BNIP1: variants seen among roughly 807,000 people sequenced by gnomAD.
The protein encoded by BNIP1 is BCL2 interacting protein 1, also known as vesicle transport protein SEC20.
A neutral mutation model predicts 28.5 loss-of-function variants in BNIP1; 25 were observed. The ratio of observed to expected loss-of-function variants is 0.88; its 90% CI spans 0.64 to 1.23. The LOEUF is 1.23. BNIP1 is among the 50% of genes most tolerant of loss of function. BNIP1 has a pLI of 0.00. For synonymous variants in BNIP1, 118 were observed against 101.7 expected (o/e 1.16, Z -0.96); for missense variants, 276 against 277.0 (o/e 1.00, Z 0.02).
At chr5:173,162,502 G>A (rs1209884895) in intron 5 of BNIP1, among the ~76,000 whole-genome samples, 1 of 152,134 alleles carries the variant, frequency 6.6e-6, no homozygotes, top group Non-Finnish European at 1.5e-5. Flanking sequence ...GGTGGTGCAT[G>A]CCTGTAGTCC....
intron 3 of BNIP1, among the ~76,000 whole-genome samples, chr5:173,157,825 T>G (rs1202845280): frequency 2.0e-5 from 3 of 152,136 alleles, no homozygotes; most frequent in Non-Finnish European, 4.4e-5. Flanking sequence ...GCTCTGCTAA[T>G]CCATCATGTT....
chr5:173,149,160 G>A lies in BNIP1; in HGVS notation c.177+2202G>A, dbSNP rs1445514547. ...CCCCTGCTGTACCTTCAGTGAGGGT[G>A]AGGTGGGTGTCATGGATCTGCCCAT... On this transcript the variant is annotated intron_variant, in intron 2 of 5. Transcript: ENST00000351486. Among the ~76,000 whole-genome samples the A allele has an allele frequency of 2.6e-5, 4 of 152,192 alleles. No individual in the cohort carries two copies. In the East Asian group the frequency reaches 7.7e-4, roughly 29 times the overall value.
chr5:173,158,316 C>T (rs1760263095), intron 3 of BNIP1, among the ~76,000 whole-genome samples: 1 of 152,206 alleles, frequency 6.6e-6, no homozygotes, highest in Admixed American at 6.5e-5. Context: ...ATGAGTAAGT[C>T]ATGGTTCTCC....
intron 3 of BNIP1, among the ~76,000 whole-genome samples, chr5:173,154,928 G>A (rs1760139525): frequency 6.6e-6 from 1 of 152,118 alleles, no homozygotes; most frequent in East Asian, 1.9e-4. Context: ...AGGTGGAGCT[G>A]AACATAGTTT....
At chr5:173,148,825 A>G (rs1330609695) in intron 2 of BNIP1, among the ~76,000 whole-genome samples, 1 of 151,948 alleles carries the variant, frequency 6.6e-6, no homozygotes, top group African/African-American at 2.4e-5. Flanking sequence ...TCTCCTGGTC[A>G]CTCCAAGGGT....
intron 5 of BNIP1, among the ~76,000 whole-genome samples, chr5:173,162,115 A>T (rs1760379088): frequency 6.6e-6 from 1 of 152,250 alleles, no homozygotes; most frequent in Non-Finnish European, 1.5e-5. Flanking sequence ...ACTCTAGCCC[A>T]GGACTGCCAT....
chr5:173,153,385 G>A lies in BNIP1; in HGVS notation c.178-937G>A, dbSNP rs5745132. On this transcript the variant is annotated intron_variant, in intron 2 of 5. Coordinates refer to ENST00000351486, the MANE Select transcript of BNIP1 (RefSeq NM_001205.3). ...TGGGACTACAGGTGCCCGCCACCAC[G>A]CCCGGCTAATTTTTTGTATTTTCAG... 3.0e-3 allele frequency among the ~76,000 whole-genome samples: 463 copies of A among 152,054 alleles called. 3 individuals are homozygous for A. The highest frequency in any genetic ancestry group is 0.01 in the African/African-American group (429 of 41,476).
chr5:173,147,028 G>A, intron 2 of BNIP1, 70 bp downstream of exon 2: 4 of 1,263,446 alleles, frequency 3.2e-6, no homozygotes, highest in Admixed American at 3.5e-5. Flanking sequence ...AGAGCCGTCT[G>A]GGTTCTTCAA....
rs1760279503 is a variant in BNIP1 at position 173,158,749 on chromosome 5, A to G, written c.275A>G (p.Gln92Arg). 1 of 1,613,390 alleles carries G rather than the reference A, an allele frequency of 6.2e-7. No homozygotes were observed. ...ENHKKQMLSN[Q>R]ASWRKANLTC... ...CGTGAACCTTCCAATTCCAGCAATC[A>G]GGCCTCATGGAGGAAAGCTAATCTC... is the stretch of plus-strand genomic sequence containing the variant. The change falls in exon 4 of 6, where the codon CAG becomes CGG. Residue 92 changes from glutamine to arginine, a missense_variant. Gln to Arg is a conservative substitution (Grantham distance 43). Coordinates refer to ENST00000351486, the MANE Select transcript of BNIP1 (RefSeq NM_001205.3).
intron 2 of BNIP1, among the ~76,000 whole-genome samples, chr5:173,149,727 G>T (rs1258211117): frequency 6.6e-6 from 1 of 152,074 alleles, no homozygotes; most frequent in African/African-American, 2.4e-5. Context: ...GCTTCAGGAA[G>T]CTTCCAGTCA....
At chr5:173,148,645 A>G (rs1398187431) in intron 2 of BNIP1, among the ~76,000 whole-genome samples, 2 of 152,150 alleles carry the variant, frequency 1.3e-5, no homozygotes, top group Non-Finnish European at 2.9e-5. Context: ...GTTTAGCCTC[A>G]TGAGTAGTTC....
At chr5:173,151,732 C>G in intron 2 of BNIP1, 1 of 1,609,920 alleles carries the variant, frequency 6.2e-7, no homozygotes, top group Non-Finnish European at 8.5e-7. Flanking sequence ...ATCTGGGTGC[C>G]CACCCAGTGT....
intron 4 of BNIP1, 56 bp downstream of exon 4, chr5:173,158,901 G>A: frequency 7.3e-7 from 1 of 1,376,566 alleles, no homozygotes; most frequent in Non-Finnish European, 1.0e-6. Context: ...AATTGGCAAG[G>A]TGTAGGAAAC....
intron 2 of BNIP1, among the ~76,000 whole-genome samples, chr5:173,151,169 G>A (rs745392739): frequency 5.3e-5 from 8 of 151,486 alleles, no homozygotes; most frequent in African/African-American, 1.2e-4. Context: ...TTTATTATAC[G>A]TATATTGGAA....
chr5:173,154,774 G>A (rs1760133501), intron 3 of BNIP1, among the ~76,000 whole-genome samples: 1 of 152,078 alleles, frequency 6.6e-6, no homozygotes, highest in Non-Finnish European at 1.5e-5. Context: ...CACCCACCTT[G>A]GCTTCCCAAA....
chr5:173,160,877 C>A (rs1194040759), intron 5 of BNIP1: 1 of 456,146 alleles, frequency 2.2e-6, no homozygotes, highest in African/African-American at 2.0e-5. Flanking sequence ...TTGAGACCAT[C>A]TGGTTTCCTC....
At chr5:173,157,223 C>G (rs5745150) in intron 3 of BNIP1, among the ~76,000 whole-genome samples, 3,289 of 152,218 alleles carry the variant, frequency 0.022, 47 homozygotes, top group Middle Eastern at 0.045. Flanking sequence ...AGCAGGTGCT[C>G]ATTAAGACCT....
chr5:173,158,921 T>A, intron 4 of BNIP1, 76 bp downstream of exon 4: 1 of 1,102,826 alleles, frequency 9.1e-7, no homozygotes, highest in Non-Finnish European at 1.3e-6. Flanking sequence ...CCCCCTCTTG[T>A]TTTCAGCTTG....
chr5:173,145,604 C>T (rs1420951012), intron 1 of BNIP1, among the ~76,000 whole-genome samples: 2 of 152,180 alleles, frequency 1.3e-5, no homozygotes, highest in African/African-American at 4.8e-5. Flanking sequence ...GGGGTTTCAC[C>T]GTGTTAGCCA....
Sources: allele counts gnomAD v4.1 joint callset (sites outside exome capture counted in the v4.1 genomes callset), GRCh38; gene constraint gnomAD v4.1.1; transcripts MANE v1.5; gene names NCBI Gene and HGNC (gene_info 2026-07-23, HGNC 2026-07-21).